Variants in B3GNT3 observed in about 807,000 individuals in gnomAD.
B3GNT3 encodes UDP-GlcNAc:betaGal beta-1,3-N-acetylglucosaminyltransferase 3.
B3GNT3 carries 7 observed loss-of-function variants against 11.6 expected under a neutral mutation model. That is an observed-to-expected ratio of 0.60 (90% CI 0.34 to 1.13). The LOEUF (loss-of-function observed/expected upper bound fraction) is 1.13, where lower values mean the gene tolerates loss of function less well. B3GNT3 is among the 50% of genes most tolerant of loss of function. The pLI, the probability that B3GNT3 is intolerant of heterozygous loss-of-function variation, is 0.03. For synonymous variants in B3GNT3, 201 were observed against 222.1 expected, an observed-to-expected ratio of 0.90 and a Z score of 0.85; for missense variants, 400 against 507.4, an observed-to-expected ratio of 0.79 and a Z score of 2.03.
intron 1 of B3GNT3, among the ~76,000 whole-genome samples, chr19:17,803,444 G>A (rs1055188575): frequency 6.6e-6 from 1 of 152,136 alleles, no homozygotes; most frequent in African/African-American, 2.4e-5. Flanking sequence ...GAAATAAATG[G>A]CTTTTCTGTG....
At chr19:17,800,197 A>T (rs2147646353) in intron 1 of B3GNT3, among the ~76,000 whole-genome samples, 1 of 152,240 alleles carries the variant, frequency 6.6e-6, no homozygotes, top group Non-Finnish European at 1.5e-5. Context: ...CAACGCGCTG[A>T]AACCCCGTCT....
chr19:17,805,742 C>G (rs1214307050), intron 1 of B3GNT3, among the ~76,000 whole-genome samples: 1 of 152,138 alleles, frequency 6.6e-6, no homozygotes, highest in African/African-American at 2.4e-5. Context: ...TGCTCAGGTC[C>G]CCTGTGGACC....
Position 17,812,103 on chromosome 19 carries a change from A to T in B3GNT3, c.1100A>T (p.Asn367Ile), listed in dbSNP as rs973773010. The T allele has an allele frequency of 6.3e-7, 1 of 1,596,504 alleles. No individual in the cohort carries two copies. ...ALNQPNLTCGNQTQIY is the reference protein window; with the variant it reads ...ALNQPNLTCGIQTQIY ...AACCAGCCCAACCTCACCTGCGGCA[A>T]TCAGACACAGATCTACTGAGTCAGC... The change falls in exon 3 of 3, where the codon AAT (asparagine) becomes ATT (isoleucine). Residue 367 changes from asparagine to isoleucine, a missense_variant. Asn to Ile is a moderately radical substitution (Grantham distance 149). Coordinates refer to ENST00000318683, the MANE Select transcript of B3GNT3 (RefSeq NM_014256.4).
At chr19:17,801,820 G>A (rs1006493378) in intron 1 of B3GNT3, among the ~76,000 whole-genome samples, 1 of 152,114 alleles carries the variant, frequency 6.6e-6, no homozygotes, top group African/African-American at 2.4e-5. Flanking sequence ...GGGCATGGTG[G>A]CTCACGCCTG....
In B3GNT3 at chr19:17,813,520, C is replaced by G. The variant is rs1322577920; in HGVS notation, c.*1398C>G. On this transcript the variant is annotated 3_prime_UTR_variant, in exon 3 of 3. Coordinates refer to ENST00000318683, the MANE Select transcript of B3GNT3 (RefSeq NM_014256.4). Reference sequence around the variant, plus strand: ...GGCAGATCTGACCTCATCCCACCCACCCCCTGCTCAGATACCCTTCATAGC... The same window carrying G: ...GGCAGATCTGACCTCATCCCACCCAGCCCCTGCTCAGATACCCTTCATAGC... 6.6e-6 allele frequency among the ~76,000 whole-genome samples: 1 copy of G among 151,682 alleles called. No individual in the cohort carries two copies. Among genetic ancestry groups the G allele is most frequent in the Non-Finnish European group, 1.5e-5 (1 of 68,022 alleles).
rs141787815 is a variant in B3GNT3, at chr19:17,797,321, A to T, written c.-51+2115A>T. On this transcript the variant is annotated intron_variant, in intron 1 of 2. Transcript: ENST00000318683. ...TGAGCTCTAAGTACAAGACTTGGAG[A>T]AGAGCTCTGACCAGCCTGAAGGTGT... is the stretch of plus-strand genomic sequence containing the variant. 3.5e-3 allele frequency among the ~76,000 whole-genome samples: 531 copies of T among 152,266 alleles called. 2 individuals are homozygous for T. Among genetic ancestry groups the T allele is most frequent in the African/African-American group, 0.012 (512 of 41,566 alleles).
intron 2 of B3GNT3, 30 bp downstream of exon 2, chr19:17,808,404 G>A: frequency 6.4e-7 from 1 of 1,562,906 alleles, no homozygotes; most frequent in Non-Finnish European, 8.7e-7. Flanking sequence ...CCTGATCGGG[G>A]CCACCTGTCC....
chr19:17,808,121 A>G lies in B3GNT3; in HGVS notation c.314A>G (p.Gln105Arg). The G allele has an allele frequency of 6.2e-7, 1 of 1,613,780 alleles. No individual in the cohort carries two copies. Among genetic ancestry groups the G allele is most frequent in the Non-Finnish European group, 8.5e-7 (1 of 1,179,908 alleles). Reference sequence around the variant, plus strand: ...GACGTGCCCCCCTCTAAGTGCGCGCAGCCGGTCTTCCTGCTGCTGGTGATC... The same window carrying G: ...GACGTGCCCCCCTCTAAGTGCGCGCGGCCGGTCTTCCTGCTGCTGGTGATC... The part of the protein sequence containing the change: ...LQDVPPSKCA[Q>R]PVFLLLVIKS... The change falls in exon 2 of 3, where the codon CAG becomes CGG. Residue 105 changes from glutamine to arginine, a missense_variant. Gln to Arg is a conservative substitution (Grantham distance 43, BLOSUM62 1). Transcript: ENST00000318683.
At chr19:17,799,131 C>T (rs1213986922) in intron 1 of B3GNT3, among the ~76,000 whole-genome samples, 2 of 152,170 alleles carry the variant, frequency 1.3e-5, no homozygotes, top group Non-Finnish European at 2.9e-5. Context: ...TCTCACCCTC[C>T]ACCTCTTGCC....
chr19:17,813,564 C>T lies in B3GNT3; in HGVS notation c.*1442C>T, dbSNP rs1387564524. ...TCATAGCTCCTTATTGCTTTCAGCT[C>T]ATAACCCCACATATCCCCACAGACA... On this transcript the variant is annotated 3_prime_UTR_variant, in exon 3 of 3. Transcript: ENST00000318683. Among the ~76,000 whole-genome samples the T allele has an allele frequency of 1.3e-5, 2 of 151,612 alleles. No homozygotes were observed. The highest frequency in any genetic ancestry group is 4.9e-5 in the African/African-American group (2 of 41,218).
rs955806583 is a variant in B3GNT3 at position 17,811,382 on chromosome 19, G to T, written c.568-189G>T. Among the ~76,000 whole-genome samples, 2 of 152,164 alleles carry T rather than the reference G, an allele frequency of 1.3e-5. No individual in the cohort carries two copies. Among genetic ancestry groups the T allele is most frequent in the Non-Finnish European group, 2.9e-5 (2 of 68,034 alleles). The stretch of plus-strand genomic sequence containing the variant: ...AACACTCCTAGAGGCACATGATAAG[G>T]CCTGTTTGGAGAGTTGAAACCAAGG... On this transcript the variant is annotated intron_variant, in intron 2 of 2. Transcript: ENST00000318683. This position sits in a 1 kb window ranked among gnomAD's most constrained non-coding sequence, Gnocchi z 4.1.
At chr19:17,808,437 C>T in intron 2 of B3GNT3, 63 bp downstream of exon 2, 4 of 1,494,404 alleles carry the variant, frequency 2.7e-6, no homozygotes, top group Non-Finnish European at 2.7e-6. Flanking sequence ...TTACCACCCA[C>T]TCCTGAGGGA....
At chr19:17,806,505 C>T (rs752096990) in intron 1 of B3GNT3, among the ~76,000 whole-genome samples, 4 of 152,058 alleles carry the variant, frequency 2.6e-5, no homozygotes, top group East Asian at 1.9e-4. Flanking sequence ...CCCAGGTGGC[C>T]GAGAGTTGGC....
In B3GNT3 at chr19:17,802,763, C is replaced by T. The variant is rs2094167818; in HGVS notation, c.-50-4995C>T. Among the ~76,000 whole-genome samples, 3 of 151,976 alleles carry T rather than the reference C, an allele frequency of 2.0e-5. No individual in the cohort carries two copies. The South Asian group carries it at 6.2e-4, about 32-fold the overall frequency. ...TGTGATCACAGCTCCCTGCAGCCTC[C>T]ACTTCCAGGGCTCAAGTGATCCTCC... is the stretch of plus-strand genomic sequence containing the variant. On this transcript the variant is annotated intron_variant, in intron 1 of 2. Transcript: ENST00000318683.
At chr19:17,798,607 G>T (rs2094162161) in intron 1 of B3GNT3, among the ~76,000 whole-genome samples, 1 of 151,928 alleles carries the variant, frequency 6.6e-6, no homozygotes, top group African/African-American at 2.4e-5. Context: ...GGAGGCAGAG[G>T]TTGCAGTGAG....
rs199719531 is a variant in B3GNT3, at chr19:17,812,037, G to A, written c.1034G>A (p.Arg345His). 32 of 1,599,434 alleles carry A rather than the reference G, an allele frequency of 2.0e-5. No homozygotes were observed. The highest frequency in any genetic ancestry group is 1.7e-4 in the Admixed American group (10 of 60,010). Residue 345 changes from arginine to histidine, a missense_variant, in exon 3 of 3, where the codon CGC becomes CAC. Transcript: ENST00000318683. ...TACCGAGACCTGCTGCTGGTGCACCGCTTCCTACCTTATGAGATGCTGCTC... is the reference window on the plus strand; with the variant it reads ...TACCGAGACCTGCTGCTGGTGCACCACTTCCTACCTTATGAGATGCTGCTC... ...CFYRDLLLVH[R>H]FLPYEMLLMW...
chr19:17,807,335 C>T (rs2094174368), intron 1 of B3GNT3, among the ~76,000 whole-genome samples: 1 of 150,848 alleles, frequency 6.6e-6, no homozygotes, highest in Non-Finnish European at 1.5e-5. Context: ...ACTAAAAATA[C>T]AAAAAAATTA....
intron 1 of B3GNT3, among the ~76,000 whole-genome samples, chr19:17,799,875 A>G (rs1050258272): frequency 5.9e-5 from 9 of 152,060 alleles, no homozygotes; most frequent in Non-Finnish European, 8.8e-5. Flanking sequence ...TCATCTGGAA[A>G]GTGGGAGTTT....
chr19:17,804,811 C>T (rs976048076), intron 1 of B3GNT3, among the ~76,000 whole-genome samples: 5 of 151,628 alleles, frequency 3.3e-5, no homozygotes, highest in Non-Finnish European at 7.4e-5. Flanking sequence ...ACCACTTTGG[C>T]CTCCCAAAGT....
Sources: allele counts gnomAD v4.1 joint callset (sites outside exome capture counted in the v4.1 genomes callset), GRCh38; gene constraint gnomAD v4.1.1; non-coding constraint Gnocchi (gnomAD v3.1); transcripts MANE v1.5; gene names NCBI Gene and HGNC (gene_info 2026-07-23, HGNC 2026-07-21).